Variants in DTWD2 observed in about 807,000 individuals in gnomAD.
DTWD2 encodes the protein tRNA-uridine aminocarboxypropyltransferase 2.
Under a neutral mutation model 31.8 loss-of-function variants are expected in DTWD2, and 39 were observed. The ratio of observed to expected loss-of-function variants is 1.22; its 90% confidence interval spans 0.95 to 1.60. The LOEUF (loss-of-function observed/expected upper bound fraction) is 1.60, where lower values mean the gene tolerates loss of function less well. Among genes scored for constraint, DTWD2 ranks in the 40% most tolerant of loss-of-function variants. The probability of loss-of-function intolerance (pLI) is 0.00; values close to 1 mark genes in which losing one functional copy is unlikely to be tolerated. For missense variants in DTWD2, 515 were observed against 381.5 expected (o/e 1.35, Z -2.92); for synonymous variants, 180 against 142.8 (o/e 1.26, Z -1.86).
At chr5:118,856,278 C>G (rs186341669) in intron 4 of DTWD2, among the ~76,000 whole-genome samples, 121 of 152,230 alleles carry the variant, frequency 7.9e-4, no homozygotes, top group Admixed American at 1.6e-3. Flanking sequence ...TCTTCTATAA[C>G]TTGTCTTTTT....
chr5:118,901,293 T>C (rs1202466647), intron 4 of DTWD2, among the ~76,000 whole-genome samples: 1 of 152,164 alleles, frequency 6.6e-6, no homozygotes, highest in Non-Finnish European at 1.5e-5. Flanking sequence ...CATAAGTGTT[T>C]ACATTGCACA....
At chr5:118,973,344 T>C (rs186600501) in intron 1 of DTWD2, among the ~76,000 whole-genome samples, 3 of 152,342 alleles carry the variant, frequency 2.0e-5, no homozygotes, top group Admixed American at 6.5e-5. Flanking sequence ...AGTTTCTTCA[T>C]AGCGTCGATG....
chr5:118,918,114 C>G (rs982352163), intron 4 of DTWD2, among the ~76,000 whole-genome samples: 1 of 152,142 alleles, frequency 6.6e-6, no homozygotes, highest in South Asian at 2.1e-4. Context: ...GGGGACACAG[C>G]CAAACCATAT....
At chr5:118,884,659 C>T (rs994981015) in intron 4 of DTWD2, among the ~76,000 whole-genome samples, 4 of 152,052 alleles carry the variant, frequency 2.6e-5, no homozygotes, top group Non-Finnish European at 4.4e-5. Flanking sequence ...TTCAAATATC[C>T]TCTAACACTT....
At chr5:118,921,576 G>A (rs779574651) in intron 4 of DTWD2, among the ~76,000 whole-genome samples, 7 of 151,834 alleles carry the variant, frequency 4.6e-5, no homozygotes, top group Non-Finnish European at 1.0e-4. Context: ...GTAAATCACT[G>A]ATTTGTTAGA....
At chr5:118,943,168 C>T (rs974608383) in intron 2 of DTWD2, among the ~76,000 whole-genome samples, 2 of 152,116 alleles carry the variant, frequency 1.3e-5, no homozygotes, top group African/African-American at 4.8e-5. Flanking sequence ...TAAATTTGAG[C>T]TGTACAATGT....
At chr5:118,963,868 C>T (rs1435417492) in intron 1 of DTWD2, among the ~76,000 whole-genome samples, 5 of 152,110 alleles carry the variant, frequency 3.3e-5, no homozygotes, top group Non-Finnish European at 7.4e-5. Flanking sequence ...AACAACCAAC[C>T]TTCATTCATT....
chr5:118,900,221 C>T (rs1006516449), intron 4 of DTWD2, among the ~76,000 whole-genome samples: 1 of 152,068 alleles, frequency 6.6e-6, no homozygotes, highest in African/African-American at 2.4e-5. Context: ...TTACATATAC[C>T]ACCATTTGTT....
intron 5 of DTWD2, among the ~76,000 whole-genome samples, chr5:118,847,789 C>T (rs918705473): frequency 6.6e-6 from 1 of 151,894 alleles, no homozygotes; most frequent in Non-Finnish European, 1.5e-5. Context: ...GAAGAGAAAA[C>T]ACTAAAAGAA....
At chr5:118,867,965 C>T (rs937144625) in intron 4 of DTWD2, among the ~76,000 whole-genome samples, 3 of 151,988 alleles carry the variant, frequency 2.0e-5, no homozygotes, top group African/African-American at 7.2e-5. Context: ...TGCAAATAGT[C>T]AAAGCAATCT....
intron 1 of DTWD2, among the ~76,000 whole-genome samples, chr5:118,965,960 TAAATAAAAGAA>T (rs1754837396): frequency 6.8e-6 from 1 of 146,644 alleles, no homozygotes; most frequent in Admixed American, 6.8e-5. Flanking sequence ...AATAAATAAA[TAAATAAAAGAA>T]AAAGAAAAAA....
chr5:118,973,928 G>A lies in DTWD2; in HGVS notation c.218+14366C>T, dbSNP rs536942628. ...CGGGAATGCTAATGAGGAAAATGGG[G>A]AGCAGGAGGCTGACAATGAGGTAGA... On this transcript the variant is annotated intron_variant, in intron 1 of 5. Transcript: ENST00000510708. 3.8e-6 allele frequency: 6 copies of A among 1,598,164 alleles called. No homozygotes were observed. The Admixed American group carries it at 8.4e-5, about 22-fold the overall frequency.
chr5:118,939,174 A>T (rs1390406605), intron 3 of DTWD2, 22 bp downstream of exon 3: 9 of 1,581,972 alleles, frequency 5.7e-6, no homozygotes, highest in South Asian at 1.2e-5. Flanking sequence ...AATTATTTAC[A>T]TTGCCCTAAC....
intron 4 of DTWD2, among the ~76,000 whole-genome samples, chr5:118,895,457 A>G (rs960209480): frequency 1.3e-5 from 2 of 152,220 alleles, no homozygotes; most frequent in Admixed American, 1.3e-4. Context: ...TTCAGATTCA[A>G]TGCAATCCTT....
At chr5:118,932,489 T>C (rs1171340587) in intron 3 of DTWD2, among the ~76,000 whole-genome samples, 1 of 152,086 alleles carries the variant, frequency 6.6e-6, no homozygotes, top group African/African-American at 2.4e-5. Context: ...ATAGAAGGAA[T>C]TGTGTCCTCC....
chr5:118,882,276 A>G (rs1752758746), intron 4 of DTWD2, among the ~76,000 whole-genome samples: 2 of 152,238 alleles, frequency 1.3e-5, no homozygotes, highest in African/African-American at 4.8e-5. Context: ...TTGATGCAAC[A>G]GGAGGGCTTC....
At chr5:118,964,763 G>A (rs1412904570) in intron 1 of DTWD2, among the ~76,000 whole-genome samples, 1 of 152,210 alleles carries the variant, frequency 6.6e-6, no homozygotes, top group African/African-American at 2.4e-5. Flanking sequence ...CCAGGCTGGA[G>A]TGCAGTGGCG....
At chr5:118,967,251 C>G (rs923938327) in intron 1 of DTWD2, among the ~76,000 whole-genome samples, 1 of 152,198 alleles carries the variant, frequency 6.6e-6, no homozygotes, top group East Asian at 1.9e-4. Context: ...TTGGATGAAA[C>G]TCATGGTTTC....
At chr5:118,899,983 G>A (rs1485336021) in intron 4 of DTWD2, among the ~76,000 whole-genome samples, 2 of 151,436 alleles carry the variant, frequency 1.3e-5, no homozygotes, top group Non-Finnish European at 2.9e-5. Context: ...TATACTTTTT[G>A]GTAGAGAGGG....
Sources: allele counts gnomAD v4.1 joint callset (sites outside exome capture counted in the v4.1 genomes callset), GRCh38; gene constraint gnomAD v4.1.1; transcripts MANE v1.5; gene names NCBI Gene and HGNC (gene_info 2026-07-23, HGNC 2026-07-21).